The following TMEM161A variants were observed in gnomAD, a reference collection of about 807,000 sequenced individuals.
The protein encoded by TMEM161A is adaptive response to oxidative stress protein 29.
In TMEM161A, 46 loss-of-function variants were observed where a neutral mutation model predicts 57.1. The ratio of observed to expected loss-of-function variants is 0.81; its 90% CI spans 0.64 to 1.03. The LOEUF (loss-of-function observed/expected upper bound fraction) is 1.03. Ranked by LOEUF, TMEM161A falls within the 50% of genes least tolerant of loss-of-function variation. The probability of loss-of-function intolerance (pLI) is 0.00; values close to 1 mark genes in which losing one functional copy is unlikely to be tolerated. For synonymous variants in TMEM161A, 288 were observed against 279.0 expected, an observed-to-expected ratio of 1.03 and a Z score of -0.32; for missense variants, 601 against 621.5, an observed-to-expected ratio of 0.97 and a Z score of 0.35.
chr19:19,127,422 C>A (rs1366635782), intron 6 of TMEM161A, among the ~76,000 whole-genome samples: 3 of 151,520 alleles, frequency 2.0e-5, no homozygotes, highest in Non-Finnish European at 2.9e-5. Context: ...TGGGTTCACA[C>A]CATTCTCCTC....
chr19:19,120,939 C>A (rs1403372187), intron 10 of TMEM161A, 53 bp downstream of exon 10: 6 of 1,610,014 alleles, frequency 3.7e-6, no homozygotes, highest in Non-Finnish European at 5.1e-6. Flanking sequence ...GGACCAGGAA[C>A]CCCACCCTGA....
In TMEM161A at chr19:19,121,595, A is replaced by G. The variant is rs2059911035; in HGVS notation, c.730T>C (p.Phe244Leu). 6.2e-7 allele frequency: 1 copy of G among 1,613,994 alleles called. No homozygotes were observed. Among genetic ancestry groups the G allele is most frequent in the Non-Finnish European group, 8.5e-7 (1 of 1,179,980 alleles). ...GTCTGGGCCAGCCGCAGGCCTGGGA[A>G]GGTGAGGAAGGCACCCAGCACAGAG... Reference protein sequence around the residue: ...VGSVLGAFLTFPGLRLAQTHR... With the variant: ...VGSVLGAFLTLPGLRLAQTHR... Residue 244 changes from phenylalanine to leucine, a missense_variant, in exon 8 of 12, where the codon TTC becomes CTC. Phe to Leu is a conservative substitution (Grantham distance 22, BLOSUM62 0). Coordinates refer to ENST00000162044, the MANE Select transcript of TMEM161A (RefSeq NM_017814.3). This position sits in a 1 kb window ranked among gnomAD's most constrained non-coding sequence, Gnocchi z 5.8.
rs1176135351 is a variant in TMEM161A at position 19,120,180 on chromosome 19, C to T, written c.1190G>A (p.Gly397Asp). ...NCTLLLKTLGGYSWGLGPAPL... is the reference protein window; with the variant it reads ...NCTLLLKTLGDYSWGLGPAPL... ...AGCTGGGCCCAGGCCCCAGGAATAG[C>T]CTCCTAGGAGAAGAGGATGAAGCGA... The change falls in exon 12 of 12, where the codon GGC (glycine) becomes GAC (aspartate). Residue 397 changes from glycine (G) to aspartate (D), a missense_variant. By Grantham distance (94) the Gly-to-Asp change is moderately conservative (BLOSUM62 -1). Coordinates refer to ENST00000162044, the MANE Select transcript of TMEM161A (RefSeq NM_017814.3). The T allele has an allele frequency of 3.2e-6, 5 of 1,546,842 alleles. No individual in the cohort carries two copies. The highest frequency in any genetic ancestry group is 4.4e-6 in the Non-Finnish European group (5 of 1,143,586).
At chr19:19,127,685 G>C (rs540458882) in intron 6 of TMEM161A, among the ~76,000 whole-genome samples, 1 of 151,964 alleles carries the variant, frequency 6.6e-6, no homozygotes, top group South Asian at 2.1e-4. Context: ...ATCCCAGCAC[G>C]TTGGGAGGCG....
chr19:19,132,694 C>G lies in TMEM161A; in HGVS notation c.249G>C (p.Gln83His), dbSNP rs1465468226. 3 of 1,581,314 alleles carry G rather than the reference C, an allele frequency of 1.9e-6. No individual in the cohort carries two copies. Among genetic ancestry groups the G allele is most frequent in the Non-Finnish European group, 2.6e-6 (3 of 1,163,206 alleles). ...PLSVPRDAPF[Q>H]LETCPLTTVD... ...CGGTCGTGAGGGGGCAGGTCTCCAG[C>G]TGGAACGGGGCATCTCGGGGCACAG... is the stretch of plus-strand genomic sequence containing the variant. The change falls in exon 4 of 12, where the codon CAG becomes CAC. Residue 83 changes from glutamine to histidine, a missense_variant. Transcript: ENST00000162044. This position sits in a 1 kb window ranked among gnomAD's most constrained non-coding sequence, Gnocchi z 4.3.
At position 19,119,965 on chromosome 19, in the gene TMEM161A, C is replaced by T. The variant is rs1439431401; in HGVS notation, c.1405G>A (p.Gly469Ser). Residue 469 changes from glycine to serine, a missense_variant, in exon 12 of 12, where the codon GGC becomes AGC. By Grantham distance (56) the Gly-to-Ser change is moderately conservative. Coordinates refer to ENST00000162044, the MANE Select transcript of TMEM161A (RefSeq NM_017814.3). ...GCCAAGTGCTGGTGGAAGTAGAGGC[C>T]GAAAAGGCTGGCGAGCAGCTGGCAG... is the stretch of plus-strand genomic sequence containing the variant. ...AACQLLASLF[G>S]LYFHQHLAGS 3.2e-6 allele frequency: 5 copies of T among 1,563,966 alleles called. No individual in the cohort carries two copies. The highest frequency in any genetic ancestry group is 1.9e-5 in the Admixed American group (1 of 52,660).
chr19:19,121,029 T>A lies in TMEM161A; in HGVS notation c.1052A>T (p.Glu351Val), dbSNP rs2059906965. 4 of 1,610,262 alleles carry A rather than the reference T, an allele frequency of 2.5e-6. No individual in the cohort carries two copies. In the East Asian group the frequency reaches 8.9e-5, roughly 36 times the overall value. ...AKARVEQLRR[E>V]AGRIEAREIQ... ...TTCACGGGCTTCGATGCGGCCAGCCTCCCTTCGCAGCTGCTCCACCCGGGC... is the reference window on the plus strand; with the variant it reads ...TTCACGGGCTTCGATGCGGCCAGCCACCCTTCGCAGCTGCTCCACCCGGGC... Residue 351 changes from glutamate (E) to valine (V), a missense_variant, in exon 10 of 12, where the codon GAG (glutamate) becomes GTG (valine). Physicochemically the swap from Glu to Val is moderately radical, Grantham distance 121. Transcript: ENST00000162044. This position sits in a 1 kb window ranked among gnomAD's most constrained non-coding sequence, Gnocchi z 5.8.
chr19:19,126,911 G>A (rs1165299116), intron 6 of TMEM161A, among the ~76,000 whole-genome samples: 1 of 151,956 alleles, frequency 6.6e-6, no homozygotes, highest in Non-Finnish European at 1.5e-5. Flanking sequence ...GCTGGGTGTG[G>A]TGGTGGGAGC....
At chr19:19,133,098 C>G in intron 3 of TMEM161A, 32 bp downstream of exon 3, 1 of 1,605,916 alleles carries the variant, frequency 6.2e-7, no homozygotes, top group Non-Finnish European at 8.5e-7. Context: ...AGCCACCCTC[C>G]CAAGGCTGGG....
In TMEM161A at chr19:19,133,112, G is replaced by GGGGCCC. The variant is rs755374655; in HGVS notation, c.188+12_188+17dup. On this transcript the variant is annotated intron_variant, in intron 3 of 11. Coordinates refer to ENST00000162044, the MANE Select transcript of TMEM161A (RefSeq NM_017814.3). Reference sequence around the variant, plus strand: ...GAGCCACCCTCCCAAGGCTGGGGCTGGGGCCCAGGTCACTCACCGCTCTTT... The same window carrying GGGGCCC: ...GAGCCACCCTCCCAAGGCTGGGGCTGGGGCCCGGGCCCAGGTCACTCACCGCTCTTT... 3 of 1,611,342 alleles carry GGGGCCC rather than the reference G, an allele frequency of 1.9e-6. No individual in the cohort carries two copies. The highest frequency in any genetic ancestry group is 2.5e-6 in the Non-Finnish European group (3 of 1,178,318).
intron 2 of TMEM161A, among the ~76,000 whole-genome samples, chr19:19,134,054 G>A (rs941074811): frequency 7.6e-5 from 6 of 79,232 alleles, no homozygotes; most frequent in East Asian, 3.0e-4. Context: ...CATCTCTGAC[G>A]TGTTTTTTTT....
Position 19,120,181 on chromosome 19 carries a change from C to T in TMEM161A, c.1189G>A (p.Gly397Ser), listed in dbSNP as rs748116222. The change falls in exon 12 of 12, where the codon GGC becomes AGC. Residue 397 changes from glycine (G) to serine (S), a missense_variant and splice_region_variant. Transcript: ENST00000162044. ...GCTGGGCCCAGGCCCCAGGAATAGC[C>T]TCCTAGGAGAAGAGGATGAAGCGAG... ...NCTLLLKTLGGYSWGLGPAPL... is the reference protein window; with the variant it reads ...NCTLLLKTLGSYSWGLGPAPL... 1 of 1,545,944 alleles carries T rather than the reference C, an allele frequency of 6.5e-7. No individual in the cohort carries two copies. Among genetic ancestry groups the T allele is most frequent in the East Asian group, 2.4e-5 (1 of 41,942 alleles).
Position 19,120,005 on chromosome 19 carries a change from G to A in TMEM161A, c.1365C>T (p.Ile455=). 1 of 1,593,466 alleles carries A rather than the reference G, an allele frequency of 6.3e-7. No homozygotes were observed. The highest frequency in any genetic ancestry group is 1.1e-5 in the South Asian group (1 of 88,052). Residue 455 remains isoleucine (I), a synonymous_variant, in exon 12 of 12, where the codon ATC becomes ATT. Coordinates refer to ENST00000162044, the MANE Select transcript of TMEM161A (RefSeq NM_017814.3). ...LFLRGVLAYL[I]WWTAACQLLA... ...GCAGCTGGCAGGCAGCCGTCCACCAGATGAGGTAGGCCAGGACGCCACGGA... is the reference window on the plus strand; with the variant it reads ...GCAGCTGGCAGGCAGCCGTCCACCAAATGAGGTAGGCCAGGACGCCACGGA...
Position 19,132,303 on chromosome 19 carries a change from G to C in TMEM161A, c.443+49C>G. On this transcript the variant is annotated intron_variant, in intron 5 of 11. Transcript: ENST00000162044. This position sits in a 1 kb window ranked among gnomAD's most constrained non-coding sequence, Gnocchi z 4.3. ...AGTTTAGGGGAGCCAGGGAAGCTCAGGTCCTGCTCCCACCCGCCCCACTGG... is the reference window on the plus strand; with the variant it reads ...AGTTTAGGGGAGCCAGGGAAGCTCACGTCCTGCTCCCACCCGCCCCACTGG... 6.4e-7 allele frequency: 1 copy of C among 1,570,062 alleles called. No homozygotes were observed. The highest frequency in any genetic ancestry group is 1.2e-5 in the South Asian group (1 of 83,992).
rs200405991 is a variant in TMEM161A at position 19,119,950 on chromosome 19, G to A, written c.1420C>T (p.Gln474Ter). Residue 474 changes from glutamine (Q) to a stop codon, truncating the protein, a stop_gained, in exon 12 of 12, where the codon CAG becomes TAG. Transcript: ENST00000162044. LOFTEE classifies it high-confidence loss of function. ...LASLFGLYFH[Q>*]HLAGS ...GGCAGCTAGGAGCCTGCCAAGTGCT[G>A]GTGGAAGTAGAGGCCGAAAAGGCTG... is the stretch of plus-strand genomic sequence containing the variant. 6.4e-7 allele frequency: 1 copy of A among 1,559,718 alleles called. No individual in the cohort carries two copies. The highest frequency in any genetic ancestry group is 8.7e-7 in the Non-Finnish European group (1 of 1,153,022).
chr19:19,127,602 G>C (rs546273780), intron 6 of TMEM161A, among the ~76,000 whole-genome samples: 3 of 152,040 alleles, frequency 2.0e-5, no homozygotes, highest in Non-Finnish European at 4.4e-5. Context: ...GATTACAGGC[G>C]TGAGCCACCG....
intron 5 of TMEM161A, among the ~76,000 whole-genome samples, chr19:19,131,507 T>TAC (rs58481745): frequency 0.042 from 6,072 of 144,856 alleles, 180 homozygotes; most frequent in Non-Finnish European, 0.06. Context: ...TATATATATA[T>TAC]ACACACACAC....
chr19:19,138,455 A>C lies in TMEM161A; in HGVS notation c.-27T>G. 11 of 1,595,648 alleles carry C rather than the reference A, an allele frequency of 6.9e-6. No homozygotes were observed. The highest frequency in any genetic ancestry group is 9.4e-6 in the Non-Finnish European group (11 of 1,171,554). Reference sequence around the variant, plus strand: ...ACGCGTGCGAGAACGCGGTGCACTCACCCACCGGCCTAGGGCTCCGGGCAC... The same window carrying C: ...ACGCGTGCGAGAACGCGGTGCACTCCCCCACCGGCCTAGGGCTCCGGGCAC... On this transcript the variant is annotated 5_prime_UTR_variant, in exon 1 of 12. Coordinates refer to ENST00000162044, the MANE Select transcript of TMEM161A (RefSeq NM_017814.3).
Position 19,132,012 on chromosome 19 carries a change from T to G in TMEM161A, c.443+340A>C, listed in dbSNP as rs1422538033. 2.0e-5 allele frequency among the ~76,000 whole-genome samples: 3 copies of G among 152,222 alleles called. No individual in the cohort carries two copies. On this transcript the variant is annotated intron_variant, in intron 5 of 11. Transcript: ENST00000162044. The surrounding 1 kb of genome is among the most constrained non-coding windows in gnomAD (Gnocchi z 4.3). ...GGACCATATCTTTCTTGGCCCTGAT[T>G]GTGGACTGGCCTGGTGATTTCCTTA...
Sources: gnomAD v4.1 joint callset for allele counts (sites outside exome capture counted in the v4.1 genomes callset) on GRCh38, gnomAD v4.1.1 for gene constraint, Gnocchi (gnomAD v3.1) non-coding constraint, MANE v1.5 for transcripts, NCBI Gene and HGNC (gene_info 2026-07-23, HGNC 2026-07-21) for gene names.